ERO1B: variants seen among roughly 807,000 people sequenced by gnomAD.
ERO1B encodes ERO1-like protein beta.
In ERO1B, 49 loss-of-function variants were observed where a neutral mutation model predicts 75.3. The ratio of observed to expected loss-of-function variants is 0.65; its 90% CI spans 0.52 to 0.83. ERO1B has a LOEUF of 0.83. Ranked by LOEUF, ERO1B falls within the 40% of genes least tolerant of loss-of-function variation. The pLI, the probability that ERO1B is intolerant of heterozygous loss-of-function variation, is 0.00. For synonymous variants in ERO1B, 191 were observed against 192.9 expected, an observed-to-expected ratio of 0.99 and a Z score of 0.08; for missense variants, 512 against 560.1, an observed-to-expected ratio of 0.91 and a Z score of 0.87.
At chr1:236,270,290 A>G (rs1010843936) in intron 1 of ERO1B, among the ~76,000 whole-genome samples, 1 of 152,178 alleles carries the variant, frequency 6.6e-6, no homozygotes, top group African/African-American at 2.4e-5. Flanking sequence ...TACCAAAGCA[A>G]TATCTTCCCA....
intron 15 of ERO1B, chr1:236,220,028 T>TAAAA (rs749126308): frequency 2.7e-4 from 9 of 33,946 alleles, no homozygotes; most frequent in African/African-American, 9.6e-4. Context: ...TCATCTCTTT[T>TAAAA]AAAAAAAAAA....
Position 236,281,875 on chromosome 1 carries a change from G to T in ERO1B, c.-92C>A. 1 of 931,622 alleles carries T rather than the reference G, an allele frequency of 1.1e-6. No homozygotes were observed. The highest frequency in any genetic ancestry group is 3.3e-5 in the East Asian group (1 of 30,388). The allele number at this position is 931,622 out of a possible 1,614,324, so 57.7% of individuals were successfully genotyped here. A position where few individuals can be genotyped will look rare whatever the true frequency, so the allele number is the denominator to read the frequency against. On this transcript the variant is annotated 5_prime_UTR_variant, in exon 1 of 16. The change creates a new upstream start codon in the 5' untranslated region. Transcript: ENST00000354619. ...CGACGACCCAAGGGGACGGTTCCCAGCGGCCGAGCGACTCCAGGGTCAGAG... is the reference window on the plus strand; with the variant it reads ...CGACGACCCAAGGGGACGGTTCCCATCGGCCGAGCGACTCCAGGGTCAGAG...
At chr1:236,275,460 G>A (rs943430167) in intron 1 of ERO1B, among the ~76,000 whole-genome samples, 2 of 152,186 alleles carry the variant, frequency 1.3e-5, no homozygotes, top group African/African-American at 2.4e-5. Flanking sequence ...AAGCTACTAA[G>A]GCAGAGGGAT....
chr1:236,249,885 C>A lies in ERO1B; in HGVS notation c.431G>T (p.Ser144Ile). The change falls in exon 5 of 16, where the codon AGT becomes ATT. Residue 144 changes from serine to isoleucine, a missense_variant and splice_region_variant. Ser to Ile is a moderately radical substitution (Grantham distance 142). Transcript: ENST00000354619. ...TTAATATTACCAAAATAAAACTTGC[C>A]TTAATGTGCTGTTAATTGCTCCCAG... ...NKLGAINSTL[S>I]NQSKEAFIDW... The A allele has an allele frequency of 6.4e-7, 1 of 1,574,536 alleles. No individual in the cohort carries two copies. Among genetic ancestry groups the A allele is most frequent in the South Asian group, 1.2e-5 (1 of 81,130 alleles).
chr1:236,216,024 C>T lies in ERO1B; in HGVS notation c.*2492G>A, dbSNP rs1663965079. ...AGTGTGGAGTCTTATTCTGTCTGAT[C>T]CTCCTCATAATCTAAGAATCAAAAC... is the stretch of plus-strand genomic sequence containing the variant. On this transcript the variant is annotated 3_prime_UTR_variant, in exon 16 of 16. Transcript: ENST00000354619. 1 of 152,096 alleles carries T rather than the reference C, an allele frequency of 6.6e-6. No homozygotes were observed. The highest frequency in any genetic ancestry group is 1.5e-5 in the Non-Finnish European group (1 of 68,002). The allele number at this position is 152,096 out of a possible 1,614,324, so 9.4% of individuals were successfully genotyped here. A position where few individuals can be genotyped will look rare whatever the true frequency, so the allele number is the denominator to read the frequency against.
chr1:236,222,108 G>T, intron 13 of ERO1B, 98 bp from the exon 14 acceptor site: 1 of 922,584 alleles, frequency 1.1e-6, no homozygotes, highest in Non-Finnish European at 1.7e-6. Context: ...TAATAAATCA[G>T]TTGTGTTTTT....
chr1:236,240,491 C>T (rs1454431409), intron 6 of ERO1B, among the ~76,000 whole-genome samples: 3 of 152,104 alleles, frequency 2.0e-5, no homozygotes, highest in Non-Finnish European at 2.9e-5. Flanking sequence ...ACATGATTTA[C>T]AGTCAAGGAG....
chr1:236,238,721 TTATA>T (rs890013817), intron 6 of ERO1B, among the ~76,000 whole-genome samples: 5 of 151,630 alleles, frequency 3.3e-5, no homozygotes, highest in Admixed American at 2.6e-4. Flanking sequence ...CACATATATA[TTATA>T]TATTTATAAA....
chr1:236,250,428 C>A (rs920470403), intron 4 of ERO1B, among the ~76,000 whole-genome samples: 1 of 151,576 alleles, frequency 6.6e-6, no homozygotes, highest in Non-Finnish European at 1.5e-5. Flanking sequence ...GCTGAGATCA[C>A]GCCACTGCAC....
intron 2 of ERO1B, among the ~76,000 whole-genome samples, chr1:236,266,572 C>T (rs1665444989): frequency 6.6e-6 from 1 of 151,488 alleles, no homozygotes; most frequent in Non-Finnish European, 1.5e-5. Flanking sequence ...CCACTGCACT[C>T]CAGCCTGGGC....
chr1:236,278,962 T>C (rs779969494), intron 1 of ERO1B, among the ~76,000 whole-genome samples: 4 of 152,226 alleles, frequency 2.6e-5, no homozygotes, highest in African/African-American at 4.8e-5. Context: ...ATTTATTATA[T>C]GGATGAAGTC....
intron 6 of ERO1B, 133 bp downstream of exon 6, chr1:236,243,289 A>G (rs1054834101): frequency 1.0e-4 from 56 of 554,188 alleles, no homozygotes; most frequent in Non-Finnish European, 1.4e-4. Flanking sequence ...AATAAATGCC[A>G]TTATGAATAA....
chr1:236,224,978 A>G, intron 13 of ERO1B, 92 bp downstream of exon 13: 1 of 1,192,150 alleles, frequency 8.4e-7, no homozygotes, highest in Non-Finnish European at 1.3e-6. Flanking sequence ...AAGAAGCTGG[A>G]AAACTGGGAA....
At chr1:236,232,638 T>TC (rs1664435061) in intron 9 of ERO1B, among the ~76,000 whole-genome samples, 190 bp downstream of exon 9, 1 of 150,328 alleles carries the variant, frequency 6.7e-6, no homozygotes, top group Non-Finnish European at 1.5e-5. Flanking sequence ...AAAATGGTCT[T>TC]TTTTTTTTAA....
chr1:236,218,534 T>A lies in ERO1B; in HGVS notation c.1386A>T (p.Leu462Phe). 7.1e-7 allele frequency: 1 copy of A among 1,417,224 alleles called. No homozygotes were observed. The highest frequency in any genetic ancestry group is 1.7e-5 in the South Asian group (1 of 60,606). The allele number at this position is 1,417,224 out of a possible 1,614,324, so 87.8% of individuals were successfully genotyped here. A position where few individuals can be genotyped will look rare whatever the true frequency, so the allele number is the denominator to read the frequency against. Residue 462 changes from leucine to phenylalanine, a missense_variant, in exon 16 of 16, where the codon TTA becomes TTT. Leu to Phe is a conservative substitution (Grantham distance 22). Transcript: ENST00000354619. Reference sequence around the variant, plus strand: ...GCCTTTATTACCTACTGTGTTGTAATAAGACTTTAAAATTCTGTAAGTCTC... The same window carrying A: ...GCCTTTATTACCTACTGTGTTGTAAAAAGACTTTAAAATTCTGTAAGTCTC... ...SIRDLQNFKV[L>F]LQHSR
chr1:236,239,789 G>GTATATATA (rs67985500), intron 6 of ERO1B, among the ~76,000 whole-genome samples: 61 of 97,520 alleles, frequency 6.3e-4, no homozygotes, highest in African/African-American at 1.8e-3. Flanking sequence ...TCCTCTTCAA[G>GTATATATA]TATATATATA....
intron 7 of ERO1B, among the ~76,000 whole-genome samples, 161 bp from the exon 8 acceptor site, chr1:236,235,996 C>T (rs1169083447): frequency 6.6e-6 from 1 of 152,058 alleles, no homozygotes; most frequent in Non-Finnish European, 1.5e-5. Context: ...GCAATCTCTG[C>T]TCATTGTAAC....
At chr1:236,256,236 A>G (rs1433789176) in intron 2 of ERO1B, among the ~76,000 whole-genome samples, 4 of 152,100 alleles carry the variant, frequency 2.6e-5, no homozygotes, top group Non-Finnish European at 4.4e-5. Flanking sequence ...CTCTCATTAG[A>G]AGGAGGCAAG....
rs933299734 is a variant in ERO1B, at chr1:236,221,108, T to A, written c.1210-143A>T. On this transcript the variant is annotated intron_variant, in intron 14 of 15. Coordinates refer to ENST00000354619, the MANE Select transcript of ERO1B (RefSeq NM_019891.4). ...TTCACAAAAATATTACTACAGTTTCTACTTTCTCACAGGTTATGCATATAA... is the reference window on the plus strand; with the variant it reads ...TTCACAAAAATATTACTACAGTTTCAACTTTCTCACAGGTTATGCATATAA... 7.1e-5 allele frequency: 42 copies of A among 589,948 alleles called. No homozygotes were observed. The Admixed American group carries it at 1.7e-3, about 24-fold the overall frequency. 36.5% of individuals were successfully genotyped at this position (589,948 alleles called of 1,614,324 possible). A position where few individuals can be genotyped will look rare whatever the true frequency, so the allele number is the denominator to read the frequency against.
Sources: gnomAD v4.1 joint callset for allele counts (sites outside exome capture counted in the v4.1 genomes callset) on GRCh38, gnomAD v4.1.1 for gene constraint, MANE v1.5 for transcripts, NCBI Gene and HGNC (gene_info 2026-07-23, HGNC 2026-07-21) for gene names.